The following ABLIM2 variants were observed in gnomAD, a reference collection of about 807,000 sequenced individuals.
The protein encoded by ABLIM2 is actin-binding LIM protein 2.
ABLIM2 carries 53 observed loss-of-function variants against 97.7 expected under a neutral mutation model. The observed-to-expected ratio is 0.54, with a 90% CI of 0.44 to 0.68. ABLIM2 has a LOEUF of 0.68. Among genes scored for constraint, ABLIM2 ranks in the 30% least tolerant of loss-of-function variants. ABLIM2 has a pLI of 0.00. For missense variants in ABLIM2, 835 were observed against 867.2 expected (o/e 0.96, Z 0.47); for synonymous variants, 361 against 345.8 (o/e 1.04, Z -0.49).
At chr4:8,009,619 C>T (rs1457690841) in intron 14 of ABLIM2, among the ~76,000 whole-genome samples, 3 of 152,164 alleles carry the variant, frequency 2.0e-5, no homozygotes, top group South Asian at 2.1e-4. Flanking sequence ...TGGTCTTGAA[C>T]TCTTGATCTC....
intron 1 of ABLIM2, among the ~76,000 whole-genome samples, chr4:8,126,171 A>G (rs1847820643): frequency 1.3e-5 from 2 of 152,152 alleles, no homozygotes; most frequent in Admixed American, 6.5e-5. Context: ...AGGGGGGGCT[A>G]TGGACAAGAG....
At chr4:8,126,669 G>C (rs1441195607) in intron 1 of ABLIM2, among the ~76,000 whole-genome samples, 7 of 152,100 alleles carry the variant, frequency 4.6e-5, no homozygotes, top group Non-Finnish European at 1.0e-4. Flanking sequence ...GGCCAGGCAG[G>C]TGCTACTGCG....
chr4:7,973,004 A>C (rs1230090418), intron 20 of ABLIM2, among the ~76,000 whole-genome samples: 1 of 151,332 alleles, frequency 6.6e-6, no homozygotes, highest in Non-Finnish European at 1.5e-5. Flanking sequence ...CCTGGTGTGC[A>C]TTTGGCCTCA....
chr4:8,154,561 T>A (rs1271917149), intron 1 of ABLIM2, among the ~76,000 whole-genome samples: 1 of 152,238 alleles, frequency 6.6e-6, no homozygotes, highest in Admixed American at 6.5e-5. Context: ...ATTACAGGCG[T>A]AAGCCACCGC....
Position 8,128,730 on chromosome 4 carries a change from T to C in ABLIM2, c.11-22093A>G, listed in dbSNP as rs1406771706. ...ATCCTAAACCCCAGTGTGACAGGAT[T>C]TGGAGGCGGGACCTTTGGGAGGAAT... On this transcript the variant is annotated intron_variant, in intron 1 of 20. Coordinates refer to ENST00000447017, the MANE Select transcript of ABLIM2 (RefSeq NM_001130083.2). The surrounding 1 kb of genome is among the most constrained non-coding windows in gnomAD (Gnocchi z 4.9). 6.6e-6 allele frequency among the ~76,000 whole-genome samples: 1 copy of C among 152,094 alleles called. No individual in the cohort carries two copies. Among genetic ancestry groups the C allele is most frequent in the Non-Finnish European group, 1.5e-5 (1 of 68,010 alleles).
In ABLIM2 at chr4:7,970,946, C is replaced by A. The variant is rs990102349; in HGVS notation, c.1825-3843G>T. ...CTGACAGGGACCACCTCCCCGCAGG[C>A]TCCAGTCCTGTTTTCTGTCTGCAGC... On this transcript the variant is annotated intron_variant, in intron 20 of 20. Coordinates refer to ENST00000447017, the MANE Select transcript of ABLIM2 (RefSeq NM_001130083.2). This position sits in a 1 kb window ranked among gnomAD's most constrained non-coding sequence, Gnocchi z 5.3. 1.8e-4 allele frequency among the ~76,000 whole-genome samples: 27 copies of A among 152,046 alleles called. No homozygotes were observed. Among genetic ancestry groups the A allele is most frequent in the Admixed American group, 1.4e-3 (22 of 15,256 alleles).
At position 8,069,512 on chromosome 4, in the gene ABLIM2, G is replaced by A. The variant is rs915500828; in HGVS notation, c.675+8116C>T. ...GGACCAGGGGCTCTGATGCGCTGCCGGCATGAGGCAAGGCAGGAAGGCAGA... is the reference window on the plus strand; with the variant it reads ...GGACCAGGGGCTCTGATGCGCTGCCAGCATGAGGCAAGGCAGGAAGGCAGA... On this transcript the variant is annotated intron_variant, in intron 6 of 20. Transcript: ENST00000447017. The surrounding 1 kb of genome is among the most constrained non-coding windows in gnomAD (Gnocchi z 4.2). 3.3e-5 allele frequency among the ~76,000 whole-genome samples: 5 copies of A among 152,200 alleles called. No individual in the cohort carries two copies. The highest frequency in any genetic ancestry group is 3.2e-3 in the Middle Eastern group (1 of 316).
At chr4:7,995,964 G>A (rs898514114) in intron 16 of ABLIM2, among the ~76,000 whole-genome samples, 3 of 152,138 alleles carry the variant, frequency 2.0e-5, no homozygotes, top group African/African-American at 4.8e-5. Context: ...GCCAGGTAGC[G>A]GCAGCCCCAG....
intron 1 of ABLIM2, among the ~76,000 whole-genome samples, chr4:8,143,161 G>GGGA (rs1561628385): frequency 7.2e-6 from 1 of 139,804 alleles, no homozygotes; most frequent in African/African-American, 2.9e-5. Context: ...GGCGAGAGTG[G>GGGA]GGGGGGGGGG....
Position 8,004,974 on chromosome 4 carries a change from G to A in ABLIM2, c.1618+3085C>T, listed in dbSNP as rs1476310866. ...TAAAGTCCTCTGGCTTCCCTGCTGG[G>A]GAACAGGGACTGGGCCATGCTCACC... On this transcript the variant is annotated intron_variant, in intron 16 of 20. Coordinates refer to ENST00000447017, the MANE Select transcript of ABLIM2 (RefSeq NM_001130083.2). This position sits in a 1 kb window ranked among gnomAD's most constrained non-coding sequence, Gnocchi z 5.9. Among the ~76,000 whole-genome samples the A allele has an allele frequency of 6.6e-6, 1 of 152,206 alleles. No individual in the cohort carries two copies. The highest frequency in any genetic ancestry group is 1.5e-5 in the Non-Finnish European group (1 of 68,036).
rs868697996 is a variant in ABLIM2, at chr4:8,020,639, C to A, written c.1268-336G>T. 104 of 356,144 alleles carry A rather than the reference C, an allele frequency of 2.9e-4. No individual in the cohort carries two copies. The Middle Eastern group carries it at 4.1e-3, about 14-fold the overall frequency. 22.1% of individuals were successfully genotyped at this position (356,144 alleles called of 1,614,324 possible). On this transcript the variant is annotated intron_variant, in intron 12 of 20. Transcript: ENST00000447017. The stretch of plus-strand genomic sequence containing the variant: ...CATCCTGGCTGGTGTTTGAATCCAA[C>A]CAACTGCAAATTCGCCAAAACAAAG...
Position 8,003,596 on chromosome 4 carries a change from C to T in ABLIM2, c.1618+4463G>A, listed in dbSNP as rs775455181. Among the ~76,000 whole-genome samples, 2 of 142,050 alleles carry T rather than the reference C, an allele frequency of 1.4e-5. No individual in the cohort carries two copies. Among genetic ancestry groups the T allele is most frequent in the Admixed American group, 7.4e-5 (1 of 13,548 alleles). The allele number at this position is 142,050 out of a possible 152,430, so 93.2% of individuals were successfully genotyped here. A position where few individuals can be genotyped will look rare whatever the true frequency, so the allele number is the denominator to read the frequency against. ...TTTTTTTTTTTTGGAGATGGAGTCT[C>T]GCTCTGTCGCCCAGGCTGGAGTGCA... On this transcript the variant is annotated intron_variant, in intron 16 of 20. Transcript: ENST00000447017. The surrounding 1 kb of genome is among the most constrained non-coding windows in gnomAD (Gnocchi z 4.2).
intron 16 of ABLIM2, among the ~76,000 whole-genome samples, chr4:7,993,641 C>T (rs1054004517): frequency 1.3e-4 from 20 of 152,164 alleles, no homozygotes; most frequent in African/African-American, 4.3e-4. Context: ...CACACCACTG[C>T]ACTGCAGCCT....
At chr4:8,010,514 C>T in intron 14 of ABLIM2, 3 of 985,920 alleles carry the variant, frequency 3.0e-6, no homozygotes, top group Non-Finnish European at 3.6e-6. Context: ...GATACCAGGC[C>T]AGAGAGCTTG....
Position 8,072,748 on chromosome 4 carries a change from G to A in ABLIM2, c.675+4880C>T, listed in dbSNP as rs1291298592. On this transcript the variant is annotated intron_variant, in intron 6 of 20. Transcript: ENST00000447017. This position sits in a 1 kb window ranked among gnomAD's most constrained non-coding sequence, Gnocchi z 5.8. ...GAGTGGTGGGAGGCAGTGTGTATGT[G>A]GCGGAGGGAGAGTGCCTGCATGTGG... Among the ~76,000 whole-genome samples the A allele has an allele frequency of 2.0e-5, 3 of 152,200 alleles. No homozygotes were observed. The highest frequency in any genetic ancestry group is 6.5e-5 in the Admixed American group (1 of 15,282).
At position 8,005,430 on chromosome 4, in the gene ABLIM2, G is replaced by A. The variant is rs186841404; in HGVS notation, c.1618+2629C>T. 2.5e-3 allele frequency: 1,353 copies of A among 533,256 alleles called. 6 individuals carry two copies. Among genetic ancestry groups the A allele is most frequent in the Non-Finnish European group, 3.8e-3 (997 of 259,954 alleles). The allele number at this position is 533,256 out of a possible 1,614,324, so 33.0% of individuals were successfully genotyped here. On this transcript the variant is annotated intron_variant, in intron 16 of 20. Coordinates refer to ENST00000447017, the MANE Select transcript of ABLIM2 (RefSeq NM_001130083.2). This position sits in a 1 kb window ranked among gnomAD's most constrained non-coding sequence, Gnocchi z 4.9. ...TGGGCGCGCTACAGATGGACGTCCCGGGGTGCAGGTGGCGTGCCTTGCTGT... is the reference window on the plus strand; with the variant it reads ...TGGGCGCGCTACAGATGGACGTCCCAGGGTGCAGGTGGCGTGCCTTGCTGT...
At chr4:8,103,823 G>A (rs1249228973) in intron 2 of ABLIM2, among the ~76,000 whole-genome samples, 1 of 152,218 alleles carries the variant, frequency 6.6e-6, no homozygotes, top group Non-Finnish European at 1.5e-5. Context: ...AGCTTGACTC[G>A]GGTCTGATGC....
At chr4:8,139,345 C>T (rs1362120495) in intron 1 of ABLIM2, among the ~76,000 whole-genome samples, 1 of 151,820 alleles carries the variant, frequency 6.6e-6, no homozygotes, top group Non-Finnish European at 1.5e-5. Flanking sequence ...AAAATTTTTG[C>T]AATCTATCCT....
chr4:8,070,293 G>A (rs1438058523), intron 6 of ABLIM2, among the ~76,000 whole-genome samples: 5 of 151,166 alleles, frequency 3.3e-5, no homozygotes, highest in Non-Finnish European at 5.9e-5. Flanking sequence ...TGTATATCTC[G>A]TGTGTGTCTG....
Sources: allele counts gnomAD v4.1 joint callset (sites outside exome capture counted in the v4.1 genomes callset), GRCh38; gene constraint gnomAD v4.1.1; non-coding constraint Gnocchi (gnomAD v3.1); transcripts MANE v1.5; gene names NCBI Gene and HGNC (gene_info 2026-07-23, HGNC 2026-07-21).